The following FRMPD2 variants were observed in gnomAD, a reference collection of about 807,000 sequenced individuals.
The protein encoded by FRMPD2 is FERM and PDZ domain containing 2.
FRMPD2 carries 96 observed loss-of-function variants against 140.1 expected under a neutral mutation model. That is an observed-to-expected ratio of 0.69 (90% CI 0.58 to 0.81). The LOEUF (loss-of-function observed/expected upper bound fraction) is 0.81. FRMPD2 is among the 40% of genes least tolerant of loss of function. The pLI is 0.00. For missense variants in FRMPD2, 1,240 were observed against 1,447.4 expected (o/e 0.86, Z 2.32); for synonymous variants, 449 against 547.6 (o/e 0.82, Z 2.52).
chr10:48,232,353 G>T, intron 9 of FRMPD2, 64 bp from the exon 10 acceptor site: 2 of 1,235,242 alleles, frequency 1.6e-6, no homozygotes, highest in East Asian at 2.5e-5. Flanking sequence ...AGTGTGTGCT[G>T]GTTACTGTAC....
chr10:48,236,443 G>A (rs752493813), intron 9 of FRMPD2, 39 bp downstream of exon 9: 12 of 1,592,322 alleles, frequency 7.5e-6, no homozygotes, highest in Middle Eastern at 1.7e-4. Context: ...CACTTCCCTC[G>A]CCACCCTCCA....
At chr10:48,236,201 C>A (rs1321484727) in intron 9 of FRMPD2, among the ~76,000 whole-genome samples, 1 of 152,062 alleles carries the variant, frequency 6.6e-6, no homozygotes, top group Non-Finnish European at 1.5e-5. Flanking sequence ...AGATGGGGGC[C>A]TAGAATAGTG....
intron 7 of FRMPD2, 138 bp downstream of exon 7, chr10:48,239,467 T>G (rs1840049938): frequency 3.5e-6 from 2 of 573,924 alleles, no homozygotes; most frequent in Non-Finnish European, 3.1e-6. Flanking sequence ...CTTCTTCATC[T>G]GTTAATGGAA....
intron 7 of FRMPD2, among the ~76,000 whole-genome samples, chr10:48,238,734 GA>G (rs907056883): frequency 7.2e-5 from 11 of 152,300 alleles, no homozygotes; most frequent in Non-Finnish European, 1.0e-4. Context: ...AGGAAGATAT[GA>G]GCCCATCTAG....
At chr10:48,188,296 T>A (rs61840034) in intron 16 of FRMPD2, among the ~76,000 whole-genome samples, 2 of 152,102 alleles carry the variant, frequency 1.3e-5, no homozygotes, top group Non-Finnish European at 2.9e-5. Context: ...TGCAGGGAGC[T>A]TGGCACTGTG....
chr10:48,214,977 T>C (rs1839412558), intron 12 of FRMPD2, among the ~76,000 whole-genome samples: 1 of 152,218 alleles, frequency 6.6e-6, no homozygotes, highest in South Asian at 2.1e-4. Flanking sequence ...CCCCCGCATG[T>C]GATCAAGGCA....
chr10:48,212,245 G>A, intron 12 of FRMPD2, 136 bp from the exon 13 acceptor site: 1 of 787,464 alleles, frequency 1.3e-6, no homozygotes, highest in South Asian at 1.8e-5. Flanking sequence ...TGCCCACCTG[G>A]GATATTATTT....
At chr10:48,260,470 C>A (rs1840567164) in intron 1 of FRMPD2, among the ~76,000 whole-genome samples, 2 of 152,146 alleles carry the variant, frequency 1.3e-5, no homozygotes, top group Non-Finnish European at 2.9e-5. Context: ...TATTACAGCC[C>A]TGAATAGATT....
intron 28 of FRMPD2, chr10:48,159,145 A>T (rs1837867074): frequency 2.2e-6 from 1 of 456,120 alleles, no homozygotes; most frequent in African/African-American, 2.0e-5. Context: ...CCCCATATTG[A>T]GGTCTCCATT....
intron 15 of FRMPD2, among the ~76,000 whole-genome samples, chr10:48,195,202 G>A (rs1222590080): frequency 6.6e-6 from 1 of 152,210 alleles, no homozygotes; most frequent in East Asian, 1.9e-4. Flanking sequence ...GACCAACCCT[G>A]TAGCCCCCAG....
chr10:48,223,311 G>A, intron 10 of FRMPD2, 41 bp from the exon 11 acceptor site: 1 of 1,581,378 alleles, frequency 6.3e-7, no homozygotes, highest in Non-Finnish European at 8.6e-7. Context: ...AGAAGCAGTA[G>A]GGATTGCACC....
At chr10:48,249,622 G>A (rs1248818691) in intron 2 of FRMPD2, among the ~76,000 whole-genome samples, 4 of 152,160 alleles carry the variant, frequency 2.6e-5, no homozygotes, top group Non-Finnish European at 5.9e-5. Context: ...CCCATGCTGG[G>A]ACCCATCGCC....
intron 26 of FRMPD2, among the ~76,000 whole-genome samples, chr10:48,170,395 C>A (rs1838209421): frequency 6.6e-6 from 1 of 152,210 alleles, no homozygotes; most frequent in African/African-American, 2.4e-5. Context: ...TGCTCTTTCC[C>A]TTCCCCTTTG....
At chr10:48,252,267 T>C (rs1029034802) in intron 1 of FRMPD2, among the ~76,000 whole-genome samples, 3 of 152,134 alleles carry the variant, frequency 2.0e-5, no homozygotes, top group African/African-American at 7.2e-5. Context: ...ACAGATAAAC[T>C]GGAGGAGGCT....
chr10:48,199,767 A>G (rs1007666353), intron 15 of FRMPD2: 1 of 152,086 alleles, frequency 6.6e-6, no homozygotes, highest in Non-Finnish European at 1.5e-5. Flanking sequence ...TCGTTACACT[A>G]CTTCCTCTTC....
intron 13 of FRMPD2, among the ~76,000 whole-genome samples, chr10:48,210,965 C>T (rs911215572): frequency 1.1e-4 from 16 of 152,252 alleles, no homozygotes; most frequent in African/African-American, 3.6e-4. Context: ...GGGGAAGCTG[C>T]GAGTGTCCTC....
intron 20 of FRMPD2, among the ~76,000 whole-genome samples, chr10:48,184,227 G>A (rs759976522): frequency 7.9e-5 from 12 of 151,960 alleles, no homozygotes; most frequent in African/African-American, 1.7e-4. Context: ...TCCTGGAGCC[G>A]ACCCTATCAA....
intron 1 of FRMPD2, 130 bp from the exon 2 acceptor site, chr10:48,251,821 C>T: frequency 1.0e-6 from 1 of 1,002,676 alleles, no homozygotes; most frequent in Non-Finnish European, 1.5e-6. Flanking sequence ...GTTTTCAGCA[C>T]CTGGGTCCCT....
At chr10:48,183,463 A>G (rs925789124) in intron 20 of FRMPD2, among the ~76,000 whole-genome samples, 1 of 152,164 alleles carries the variant, frequency 6.6e-6, no homozygotes, top group Admixed American at 6.5e-5. Context: ...TATCTAAAGG[A>G]TGAAGAAAAG....
Sources: gnomAD v4.1 joint callset for allele counts (sites outside exome capture counted in the v4.1 genomes callset) on GRCh38, gnomAD v4.1.1 for gene constraint, MANE v1.5 for transcripts, NCBI Gene and HGNC (gene_info 2026-07-23, HGNC 2026-07-21) for gene names.